The following MYRIP variants were observed in gnomAD, a reference collection of about 807,000 sequenced individuals.
MYRIP encodes myosin VIIA and Rab interacting protein.
MYRIP carries 49 observed loss-of-function variants against 98.0 expected under a neutral mutation model. That is an observed-to-expected ratio of 0.50 (90% confidence interval 0.40 to 0.63). MYRIP has a LOEUF of 0.63. Ranked by LOEUF, MYRIP falls within the 30% of genes least tolerant of loss-of-function variation. The pLI is 0.00. For synonymous variants in MYRIP, 404 were observed against 409.5 expected (o/e 0.99, Z 0.16); for missense variants, 1,004 against 1,058.2 (o/e 0.95, Z 0.71).
At chr3:40,186,852 A>G (rs1340728501) in intron 9 of MYRIP, among the ~76,000 whole-genome samples, 1 of 152,162 alleles carries the variant, frequency 6.6e-6, no homozygotes, top group Non-Finnish European at 1.5e-5. Flanking sequence ...TTACCACCTG[A>G]CTGACAATCC....
At chr3:39,854,892 G>A (rs1472203838) in intron 1 of MYRIP, among the ~76,000 whole-genome samples, 1 of 152,158 alleles carries the variant, frequency 6.6e-6, no homozygotes, top group Non-Finnish European at 1.5e-5. Flanking sequence ...GACCTTGACT[G>A]CAGTGATTGT....
intron 1 of MYRIP, among the ~76,000 whole-genome samples, chr3:39,862,951 G>T (rs368238044): frequency 1.6e-4 from 24 of 152,122 alleles, no homozygotes; most frequent in African/African-American, 4.8e-4. Flanking sequence ...TCATATTCTT[G>T]GACCACAGTG....
At chr3:39,819,804 G>T (rs1941049746) in intron 1 of MYRIP, among the ~76,000 whole-genome samples, 1 of 152,222 alleles carries the variant, frequency 6.6e-6, no homozygotes, top group Non-Finnish European at 1.5e-5. Flanking sequence ...CTGCATTTCT[G>T]CAGGGAAAGT....
rs559354405 is a variant in MYRIP, at chr3:39,959,438, C to A, written c.110+58512C>A. 5.6e-4 allele frequency among the ~76,000 whole-genome samples: 85 copies of A among 152,142 alleles called. 2 individuals are homozygous for A. In the South Asian group the frequency reaches 0.016, roughly 29 times the overall value. On this transcript the variant is annotated intron_variant, in intron 2 of 16. Coordinates refer to ENST00000302541, the MANE Select transcript of MYRIP (RefSeq NM_015460.4). ...TATCGCAGGGACAGAAAACCAAACA[C>A]CACATATTCTCACTCATAGGTGGGA...
chr3:39,986,243 A>G (rs1946028294), intron 2 of MYRIP, among the ~76,000 whole-genome samples: 1 of 152,216 alleles, frequency 6.6e-6, no homozygotes, highest in Non-Finnish European at 1.5e-5. Flanking sequence ...GAGTCAGAGC[A>G]CATGTCCCCA....
intron 1 of MYRIP, among the ~76,000 whole-genome samples, chr3:39,846,896 C>G (rs1362087932): frequency 1.3e-5 from 2 of 152,138 alleles, no homozygotes; most frequent in Non-Finnish European, 2.9e-5. Context: ...GGTGGACACC[C>G]AGGAGAGCAA....
Position 40,203,967 on chromosome 3 carries a change from TATATATATTATATATA to T in MYRIP, c.1666-5870_1666-5855del, listed in dbSNP as rs1951675293. Among the ~76,000 whole-genome samples the T allele has an allele frequency of 3.8e-4, 5 of 13,230 alleles. 1 individual carries two copies. The highest frequency in any genetic ancestry group is 3.9e-4 in the African/African-American group (1 of 2,538). 8.7% of individuals were successfully genotyped at this position (13,230 alleles called of 152,430 possible). On this transcript the variant is annotated intron_variant, in intron 10 of 16. Coordinates refer to ENST00000302541, the MANE Select transcript of MYRIP (RefSeq NM_015460.4). ...TATATATATTATATATTATATACAT[TATATATATTATATATA>T]ATATATATTATATATATTATATATT...
intron 1 of MYRIP, among the ~76,000 whole-genome samples, chr3:39,852,203 C>A (rs2125607212): frequency 6.6e-6 from 1 of 152,250 alleles, no homozygotes. Flanking sequence ...AGCAGCCCTT[C>A]CCAATTGTGG....
intron 12 of MYRIP, chr3:40,238,508 C>T (rs1319945752): frequency 6.6e-6 from 1 of 152,172 alleles, no homozygotes; most frequent in Non-Finnish European, 1.5e-5. Flanking sequence ...GAAACGGTGA[C>T]ACTATTCTCG....
At chr3:39,850,686 GT>G (rs1942104297) in intron 1 of MYRIP, among the ~76,000 whole-genome samples, 1 of 152,190 alleles carries the variant, frequency 6.6e-6, no homozygotes, top group Non-Finnish European at 1.5e-5. Context: ...AGTTAGTGAA[GT>G]TTTAATGCAT....
chr3:39,888,339 C>A lies in MYRIP; in HGVS notation c.-30-12448C>A, dbSNP rs540339843. On this transcript the variant is annotated intron_variant, in intron 1 of 16. Transcript: ENST00000302541. ...CTGGTACCAAAACAGAGATATAGAT[C>A]AATGGAACAGAACAGAGCCCTCAGA... is the stretch of plus-strand genomic sequence containing the variant. Among the ~76,000 whole-genome samples the A allele has an allele frequency of 8.8e-3, 1,329 of 151,818 alleles. 13 individuals are homozygous for A. Among genetic ancestry groups the A allele is most frequent in the African/African-American group, 0.029 (1,217 of 41,378 alleles).
In MYRIP at chr3:40,233,963, A is replaced by G; in HGVS notation, c.2010A>G (p.Pro670=). ...GATCTACAGGGCCCTGGGAGTCCCC[A>G]CAAGTCCCTCCTGACAGACAGAAGG... ...IAGSTGPWES[P]QVPPDRQKGM... Residue 670 remains proline (P), a synonymous_variant, in exon 12 of 17, where the codon CCA becomes CCG. Coordinates refer to ENST00000302541, the MANE Select transcript of MYRIP (RefSeq NM_015460.4). 1 of 1,613,818 alleles carries G rather than the reference A, an allele frequency of 6.2e-7. No homozygotes were observed. The highest frequency in any genetic ancestry group is 1.6e-4 in the Middle Eastern group (1 of 6,062).
At chr3:40,160,253 G>C (rs926888097) in intron 4 of MYRIP, among the ~76,000 whole-genome samples, 1 of 152,240 alleles carries the variant, frequency 6.6e-6, no homozygotes, top group African/African-American at 2.4e-5. Context: ...GTACCCAGCT[G>C]TGTGAGGTGT....
At chr3:40,179,595 C>T (rs1367547027) in intron 8 of MYRIP, among the ~76,000 whole-genome samples, 1 of 152,136 alleles carries the variant, frequency 6.6e-6, no homozygotes, top group Non-Finnish European at 1.5e-5. Context: ...AGGCCAGATA[C>T]AGTAAATGGC....
At chr3:40,108,720 A>G (rs957381667) in intron 3 of MYRIP, among the ~76,000 whole-genome samples, 2 of 152,186 alleles carry the variant, frequency 1.3e-5, no homozygotes, top group Admixed American at 6.5e-5. Flanking sequence ...TGAACACTGG[A>G]TTATTTAAGG....
At chr3:40,069,057 T>G (rs1317497643) in intron 3 of MYRIP, among the ~76,000 whole-genome samples, 5 of 152,116 alleles carry the variant, frequency 3.3e-5, no homozygotes, top group African/African-American at 1.2e-4. Context: ...TCTAAATAAG[T>G]AGTAGTATGG....
intron 3 of MYRIP, among the ~76,000 whole-genome samples, chr3:40,108,821 A>T (rs992806272): frequency 2.6e-5 from 4 of 152,168 alleles, no homozygotes; most frequent in African/African-American, 9.7e-5. Flanking sequence ...TTTCCTGGAG[A>T]GACTGCCAAT....
intron 3 of MYRIP, among the ~76,000 whole-genome samples, chr3:40,135,384 G>T (rs1949741709): frequency 6.6e-6 from 1 of 152,226 alleles, no homozygotes; most frequent in African/African-American, 2.4e-5. Context: ...GGGACTATGT[G>T]AAAAGACCAA....
intron 1 of MYRIP, among the ~76,000 whole-genome samples, chr3:39,853,467 G>A (rs1309601741): frequency 6.6e-6 from 1 of 152,052 alleles, no homozygotes; most frequent in Non-Finnish European, 1.5e-5. Flanking sequence ...GAGTAAGGTG[G>A]TATCTCATTG....
Sources: allele counts gnomAD v4.1 joint callset (sites outside exome capture counted in the v4.1 genomes callset), GRCh38; gene constraint gnomAD v4.1.1; transcripts MANE v1.5; gene names NCBI Gene and HGNC (gene_info 2026-07-23, HGNC 2026-07-21).